Variants in JAG2 observed in about 807,000 individuals in gnomAD.
JAG2 encodes jagged canonical Notch ligand 2.
Under a neutral mutation model 141.7 loss-of-function variants are expected in JAG2, and 46 were observed. That is an observed-to-expected ratio of 0.32 (90% CI 0.26 to 0.42). The LOEUF (loss-of-function observed/expected upper bound fraction) is 0.42. JAG2 is among the 10% of genes least tolerant of loss of function. JAG2 has a pLI of 1.00. For synonymous variants in JAG2, 862 were observed against 763.5 expected, an observed-to-expected ratio of 1.13 and a Z score of -2.13; for missense variants, 1,500 against 1,817.5, an observed-to-expected ratio of 0.83 and a Z score of 3.18.
Position 105,147,420 on chromosome 14 carries a change from C to T in JAG2, c.2394-9G>A. The T allele has an allele frequency of 6.2e-7, 1 of 1,610,868 alleles. No homozygotes were observed. Among genetic ancestry groups the T allele is most frequent in the South Asian group, 1.1e-5 (1 of 90,712 alleles). On this transcript the variant is annotated splice_polypyrimidine_tract_variant and intron_variant, in intron 19 of 25. Transcript: ENST00000331782. ...AGATGCCACCATTGTAGCTGCAGAGCAGAGGGTGGGCATCAGGTGGCCCCC... is the reference window on the plus strand; with the variant it reads ...AGATGCCACCATTGTAGCTGCAGAGTAGAGGGTGGGCATCAGGTGGCCCCC...
At chr14:105,152,481 G>A (rs1445547397) in intron 5 of JAG2, among the ~76,000 whole-genome samples, 190 bp from the exon 6 acceptor site, 1 of 152,206 alleles carries the variant, frequency 6.6e-6, no homozygotes, top group Non-Finnish European at 1.5e-5. Flanking sequence ...GGCATTCCCG[G>A]CCGCTGGCTG....
At position 105,150,806 on chromosome 14, in the gene JAG2, G is replaced by A. The variant is rs111330665; in HGVS notation, c.1429-29C>T. ...GGCGGGCCAGCCAGGTGAGCGTCCC[G>A]CAGGCACCCTGACGGCCCCGCAGCA... On this transcript the variant is annotated intron_variant, in intron 11 of 25. Coordinates refer to ENST00000331782, the MANE Select transcript of JAG2 (RefSeq NM_002226.5). 5,754 of 1,577,572 alleles carry A rather than the reference G, an allele frequency of 3.6e-3. 186 individuals are homozygous for A. The African/African-American group carries it at 0.069, about 19-fold the overall frequency.
At position 105,157,731 on chromosome 14, in the gene JAG2, G is replaced by A. The variant is rs970422042; in HGVS notation, c.450C>T (p.Asp150=). 6.4e-7 allele frequency: 1 copy of A among 1,574,662 alleles called. No homozygotes were observed. The highest frequency in any genetic ancestry group is 8.6e-7 in the Non-Finnish European group (1 of 1,161,552). The change falls in exon 3 of 26, where the codon GAC becomes GAT. Residue 150 remains aspartate (D), a synonymous_variant. Coordinates refer to ENST00000331782, the MANE Select transcript of JAG2 (RefSeq NM_002226.5). ...RSFTLIVEAW[D]WDNDTTPNEE... Reference sequence around the variant, plus strand: ...CATTCGGGGTGGTATCGTTGTCCCAGTCCCAGGCCTCCACGATGAGGGTAA... The same window carrying A: ...CATTCGGGGTGGTATCGTTGTCCCAATCCCAGGCCTCCACGATGAGGGTAA...
intron 8 of JAG2, 68 bp from the exon 9 acceptor site, chr14:105,151,464 G>A: frequency 6.8e-7 from 1 of 1,475,414 alleles, no homozygotes; most frequent in Non-Finnish European, 9.4e-7. Flanking sequence ...CCATGGGCAG[G>A]TGGCGCTGCA....
At chr14:105,150,543 C>T (rs948130320) in intron 12 of JAG2, 61 bp downstream of exon 12, 107 of 1,480,938 alleles carry the variant, frequency 7.2e-5, no homozygotes, top group African/African-American at 8.4e-5. Flanking sequence ...GGTCAGGGGA[C>T]GAGGCCTGCC....
chr14:105,164,811 C>T (rs772676101), intron 2 of JAG2, among the ~76,000 whole-genome samples: 2 of 152,182 alleles, frequency 1.3e-5, no homozygotes, highest in South Asian at 2.1e-4. Flanking sequence ...CATCTGACTT[C>T]GTGAGACCTG....
At chr14:105,165,697 G>A (rs1436915549) in intron 2 of JAG2, among the ~76,000 whole-genome samples, 4 of 152,162 alleles carry the variant, frequency 2.6e-5, no homozygotes, top group Admixed American at 6.5e-5. Flanking sequence ...GGGGTGGAGG[G>A]AGCGAATGCA....
chr14:105,155,769 C>T lies in JAG2; in HGVS notation c.696G>A (p.Met232Ile). Reference protein sequence around the residue: ...TCDQYGNKACMDGWMGKECKE... With the variant: ...TCDQYGNKACIDGWMGKECKE... ...TGCACTCCTTGCCCATCCAGCCGTC[C>T]ATGCAGGCCTTGTTGCCGTACTGGT... The change falls in exon 4 of 26, where the codon ATG becomes ATA. Residue 232 changes from methionine to isoleucine, a missense_variant. Transcript: ENST00000331782. The T allele has an allele frequency of 6.2e-7, 1 of 1,612,984 alleles. No individual in the cohort carries two copies. The highest frequency in any genetic ancestry group is 8.5e-7 in the Non-Finnish European group (1 of 1,179,928).
At chr14:105,150,526 GC>G in intron 12 of JAG2, 77 bp downstream of exon 12, 2 of 1,408,144 alleles carry the variant, frequency 1.4e-6, no homozygotes, top group Non-Finnish European at 9.6e-7. Flanking sequence ...GGTCACTCAG[GC>G]CCCATGGTCA....
At position 105,147,774 on chromosome 14, in the gene JAG2, T is replaced by C. The variant is rs1888272950; in HGVS notation, c.2363A>G (p.His788Arg). Residue 788 changes from histidine to arginine, a missense_variant and splice_region_variant, in exon 18 of 26, where the codon CAC becomes CGC. By Grantham distance (29) the His-to-Arg change is conservative. This residue lies in a region of JAG2 where 875 missense variants were observed against 1,202.2 expected (regional missense o/e 0.73). Transcript: ENST00000331782. ...GCCCACACCCCTCCCACACTCACTG[T>C]GAGTGCAAGTACGACCCTCCCAGCC... ...RDGWEGRTCTHNTNDCNPLPC... is the reference protein window; with the variant it reads ...RDGWEGRTCTRNTNDCNPLPC... 1 of 1,540,836 alleles carries C rather than the reference T, an allele frequency of 6.5e-7. No individual in the cohort carries two copies. The highest frequency in any genetic ancestry group is 1.4e-5 in the African/African-American group (1 of 72,918).
At position 105,142,373 on chromosome 14, in the gene JAG2, T is replaced by C. The variant is rs1888083080; in HGVS notation, c.*322A>G. The stretch of plus-strand genomic sequence containing the variant: ...AATAAAAGGAAGATTCTGTAAACAG[T>C]GCACAACCTCTGGTAACAAACGCTA... On this transcript the variant is annotated 3_prime_UTR_variant, in exon 26 of 26. Coordinates refer to ENST00000331782, the MANE Select transcript of JAG2 (RefSeq NM_002226.5). The C allele has an allele frequency of 9.0e-6, 3 of 333,840 alleles. No individual in the cohort carries two copies. Among genetic ancestry groups the C allele is most frequent in the South Asian group, 3.2e-5 (1 of 31,156 alleles). The allele number at this position is 333,840 out of a possible 1,614,324, so 20.7% of individuals were successfully genotyped here. A position where few individuals can be genotyped will look rare whatever the true frequency, so the allele number is the denominator to read the frequency against.
intron 24 of JAG2, among the ~76,000 whole-genome samples, chr14:105,143,907 G>C (rs1472546366): frequency 6.6e-6 from 1 of 150,782 alleles, no homozygotes; most frequent in Non-Finnish European, 1.5e-5. Context: ...AGCGAGCAGT[G>C]GGGGGAAGGG....
rs369800177 is a variant in JAG2 at position 105,148,564 on chromosome 14, C to T, written c.2021-125G>A. Reference sequence around the variant, plus strand: ...GAGGGGCGGGGGAGGAGCGTCGGGCCGGGGGAGCTGGCCTCGGGCATGGGG... The same window carrying T: ...GAGGGGCGGGGGAGGAGCGTCGGGCTGGGGGAGCTGGCCTCGGGCATGGGG... On this transcript the variant is annotated intron_variant, in intron 15 of 25. Coordinates refer to ENST00000331782, the MANE Select transcript of JAG2 (RefSeq NM_002226.5). 524 of 714,794 alleles carry T rather than the reference C, an allele frequency of 7.3e-4. 1 individual carries two copies. In the African/African-American group the frequency reaches 8.7e-3, roughly 12 times the overall value. 44.3% of individuals were successfully genotyped at this position (714,794 alleles called of 1,614,324 possible). A position where few individuals can be genotyped will look rare whatever the true frequency, so the allele number is the denominator to read the frequency against.
Position 105,142,913 on chromosome 14 carries a change from C to A in JAG2, c.3499G>T (p.Gly1167Trp), listed in dbSNP as rs587765253. The stretch of plus-strand genomic sequence containing the variant: ...CTGACGGCCGCGTGGCCGGCCGGCC[C>A]GGGCAGCGCCTCGTCCGCCCTGCGC... ...PPRRADEALP[G>W]PAGHAAVRED... is the part of the protein sequence containing the mutation. The change falls in exon 26 of 26, where the codon GGG becomes TGG. Residue 1167 changes from glycine to tryptophan, a missense_variant. Gly to Trp is a radical substitution (Grantham distance 184). Around this residue, in one of 3 missense-constraint regions of JAG2, gnomAD observed 425 missense variants for 441.0 expected, o/e 0.96. Transcript: ENST00000331782. The A allele has an allele frequency of 2.5e-6, 4 of 1,606,308 alleles. No individual in the cohort carries two copies. The highest frequency in any genetic ancestry group is 3.4e-6 in the Non-Finnish European group (4 of 1,176,842).
At chr14:105,148,013 AG>A in intron 17 of JAG2, 102 bp downstream of exon 17, 2 of 1,135,254 alleles carry the variant, frequency 1.8e-6, no homozygotes, top group Non-Finnish European at 2.6e-6. Context: ...GGCAGGTGGC[AG>A]GTGTGGCCCT....
At chr14:105,162,704 TACCCTCCTGC>T (rs1566770246) in intron 2 of JAG2, among the ~76,000 whole-genome samples, 15 of 33,544 alleles carry the variant, frequency 4.5e-4, no homozygotes, top group Non-Finnish European at 7.3e-4. Flanking sequence ...AAGTACAGAG[TACCCTCCTGC>T]CCAGGGCACC....
intron 3 of JAG2, 81 bp downstream of exon 3, chr14:105,157,625 C>T: frequency 7.7e-7 from 1 of 1,291,522 alleles, no homozygotes; most frequent in Non-Finnish European, 1.1e-6. Context: ...AGGCTTTGTC[C>T]CAAGCAGACA....
chr14:105,167,937 C>T lies in JAG2; in HGVS notation c.237G>A (p.Gln79=). 1 of 1,602,340 alleles carries T rather than the reference C, an allele frequency of 6.2e-7. No individual in the cohort carries two copies. ...TYVRVCLKEY[Q]AKVTPTGPCS... is the part of the protein sequence containing the mutation. ...AGGGCCCCGTGGGCGTCACCTTGGC[C>T]TGGTACTCCTTAAGGCACACGCGCA... is the stretch of plus-strand genomic sequence containing the variant. Residue 79 remains glutamine, a synonymous_variant, in exon 2 of 26, where the codon CAG becomes CAA. Transcript: ENST00000331782. The surrounding 1 kb of genome is among the most constrained non-coding windows in gnomAD (Gnocchi z 4.8).
In JAG2 at chr14:105,150,606, C is replaced by T; in HGVS notation, c.1600G>A (p.Glu534Lys). The T allele has an allele frequency of 1.9e-6, 3 of 1,548,020 alleles. No individual in the cohort carries two copies. The highest frequency in any genetic ancestry group is 1.7e-6 in the Non-Finnish European group (2 of 1,145,824). The change falls in exon 12 of 26, where the codon GAG (glutamate) becomes AAG (lysine). Residue 534 changes from glutamate to lysine, a missense_variant and splice_region_variant. By Grantham distance (56) the Glu-to-Lys change is moderately conservative (BLOSUM62 1). Coordinates refer to ENST00000331782, the MANE Select transcript of JAG2 (RefSeq NM_002226.5). ...CAGGGTGACCAGGCAGACCTCACCT[C>T]ACAGAGAGGCCCGGAGAAGCCCTGG... is the stretch of plus-strand genomic sequence containing the variant. ...CPQGFSGPLC[E>K]VDVDLCEPSP...
Sources: gnomAD v4.1 joint callset for allele counts (sites outside exome capture counted in the v4.1 genomes callset) on GRCh38, gnomAD v4.1.1 for gene constraint, gnomAD v4.1.1 regional missense constraint, Gnocchi (gnomAD v3.1) non-coding constraint, MANE v1.5 for transcripts, NCBI Gene and HGNC (gene_info 2026-07-23, HGNC 2026-07-21) for gene names.